The following UGT2B7 variants were observed in gnomAD, a reference collection of about 807,000 sequenced individuals.
UGT2B7 encodes the protein UDP-glucuronosyltransferase 2B7.
In UGT2B7, 51 loss-of-function variants were observed where a neutral mutation model predicts 51.9. The observed-to-expected ratio is 0.98, with a 90% confidence interval of 0.78 to 1.24. The LOEUF (loss-of-function observed/expected upper bound fraction) is 1.24, where lower values mean the gene tolerates loss of function less well. Ranked by LOEUF, UGT2B7 falls within the 50% of genes most tolerant of loss-of-function variation. The pLI, the probability that UGT2B7 is intolerant of heterozygous loss-of-function variation, is 0.00. For synonymous variants in UGT2B7, 225 were observed against 211.6 expected, an observed-to-expected ratio of 1.06 and a Z score of -0.55; for missense variants, 727 against 628.4, an observed-to-expected ratio of 1.16 and a Z score of -1.68.
intron 1 of UGT2B7, among the ~76,000 whole-genome samples, chr4:69,069,152 G>A (rs1270553027): frequency 6.7e-6 from 1 of 149,880 alleles, no homozygotes; most frequent in Non-Finnish European, 1.5e-5. Flanking sequence ...TTCAAACTAA[G>A]GCCATCCACT....
At chr4:69,065,661 C>A (rs761884025) in intron 1 of UGT2B7, among the ~76,000 whole-genome samples, 7 of 152,118 alleles carry the variant, frequency 4.6e-5, no homozygotes, top group Non-Finnish European at 5.9e-5. Context: ...GTGTATTTCT[C>A]ATACATAGAT....
intron 1 of UGT2B7, among the ~76,000 whole-genome samples, chr4:69,054,048 A>G (rs1718115683): frequency 6.6e-6 from 1 of 152,198 alleles, no homozygotes; most frequent in African/African-American, 2.4e-5. Flanking sequence ...AAATAGCTAC[A>G]GGATTTAAGT....
At chr4:69,072,682 G>A (rs185701792) in intron 1 of UGT2B7, among the ~76,000 whole-genome samples, 1 of 151,962 alleles carries the variant, frequency 6.6e-6, no homozygotes, top group African/African-American at 2.4e-5. Context: ...CAGGGTCTTG[G>A]GGGGGTTGTG....
At chr4:69,074,767 C>A (rs1401024139) in intron 1 of UGT2B7, among the ~76,000 whole-genome samples, 5 of 152,002 alleles carry the variant, frequency 3.3e-5, no homozygotes, top group Non-Finnish European at 5.9e-5. Context: ...GGTTTCCTCC[C>A]AAAAGTCACT....
chr4:69,112,836 CAAAAAA>C lies in UGT2B7; in HGVS notation c.*108_*113del, dbSNP rs57075995. On this transcript the variant is annotated 3_prime_UTR_variant, in exon 6 of 6. Transcript: ENST00000305231. ...ATGCAAGATTTCTTTCTTCCTGAGACAAAAAAAAAAAAAGAAAAAAAAATCTTTTCA... is the reference window on the plus strand; with the variant it reads ...ATGCAAGATTTCTTTCTTCCTGAGACAAAAAAAGAAAAAAAAATCTTTTCA... 15 of 1,057,734 alleles carry C rather than the reference CAAAAAA, an allele frequency of 1.4e-5. No individual in the cohort carries two copies. In the Middle Eastern group the frequency reaches 8.1e-4, roughly 57 times the overall value. 65.5% of individuals were successfully genotyped at this position (1,057,734 alleles called of 1,614,324 possible). A position where few individuals can be genotyped will look rare whatever the true frequency, so the allele number is the denominator to read the frequency against.
chr4:69,071,250 GT>G (rs1718593538), intron 1 of UGT2B7, among the ~76,000 whole-genome samples: 1 of 152,024 alleles, frequency 6.6e-6, no homozygotes, highest in South Asian at 2.1e-4. Flanking sequence ...CCCTCACCTT[GT>G]CAAGTATGAT....
In UGT2B7 at chr4:69,084,582, G is replaced by A. The variant is rs962555389; in HGVS notation, c.-158-4890G>A. Among the ~76,000 whole-genome samples, 8 of 151,882 alleles carry A rather than the reference G, an allele frequency of 5.3e-5. No individual in the cohort carries two copies. In the East Asian group the frequency reaches 1.6e-3, roughly 30 times the overall value. On this transcript the variant is annotated intron_variant, in intron 1 of 5. Coordinates refer to the UGT2B7 transcript ENST00000502942. ...GTCTCCTAGGTTTTAAGCCACACAC[G>A]AATTAGGTATTTGTCCTAATGCTCT... is the stretch of plus-strand genomic sequence containing the variant.
intron 1 of UGT2B7, among the ~76,000 whole-genome samples, chr4:69,063,948 A>G (rs969575463): frequency 3.3e-5 from 5 of 151,786 alleles, no homozygotes; most frequent in Non-Finnish European, 7.4e-5. Flanking sequence ...ACTTGTAATG[A>G]GGAATTAAAT....
intron 2 of UGT2B7, among the ~76,000 whole-genome samples, chr4:69,099,101 T>A (rs1404359180): frequency 6.6e-6 from 1 of 151,884 alleles, no homozygotes; most frequent in African/African-American, 2.4e-5. Context: ...TATGTGCAAG[T>A]AATAAAAATT....
chr4:69,112,235 C>T (rs886396210), intron 5 of UGT2B7, among the ~76,000 whole-genome samples: 3 of 152,154 alleles, frequency 2.0e-5, no homozygotes, highest in Admixed American at 6.5e-5. Context: ...GTTATGTACC[C>T]ACTGCTTGCT....
chr4:69,079,191 C>CA (rs1163154843), intron 1 of UGT2B7, among the ~76,000 whole-genome samples: 1 of 152,096 alleles, frequency 6.6e-6, no homozygotes, highest in East Asian at 1.9e-4. Flanking sequence ...GCCATGCCAT[C>CA]AGGGTGTTTC....
chr4:69,066,134 A>C (rs1048569387), intron 1 of UGT2B7, among the ~76,000 whole-genome samples: 35 of 152,324 alleles, frequency 2.3e-4, no homozygotes, highest in African/African-American at 7.9e-4. Flanking sequence ...CAGATATGCT[A>C]TCATTTCAAT....
At chr4:69,071,794 A>G (rs1718607794) in intron 1 of UGT2B7, among the ~76,000 whole-genome samples, 1 of 152,148 alleles carries the variant, frequency 6.6e-6, no homozygotes, top group South Asian at 2.1e-4. Flanking sequence ...GTACAAGAAA[A>G]AAAGTGTAAC....
In UGT2B7 at chr4:69,108,290, G is replaced by A; in HGVS notation, c.1278G>A (p.Leu426=). ...ACACAATGTCGAGTACAGACTTGCT[G>A]AATGCATTGAAGAGAGTAATTAATG... is the stretch of plus-strand genomic sequence containing the variant. ...DFNTMSSTDL[L]NALKRVINDP... The change falls in exon 5 of 6, where the codon CTG becomes CTA. Residue 426 remains leucine, a synonymous_variant. Transcript: ENST00000305231. 6.2e-7 allele frequency: 1 copy of A among 1,613,524 alleles called. No homozygotes were observed. Among genetic ancestry groups the A allele is most frequent in the East Asian group, 2.2e-5 (1 of 44,864 alleles).
chr4:69,106,586 G>T (rs753983797), intron 3 of UGT2B7, among the ~76,000 whole-genome samples: 1 of 152,054 alleles, frequency 6.6e-6, no homozygotes, highest in African/African-American at 2.4e-5. Flanking sequence ...CTTTATAAAA[G>T]AACCATTTAT....
At chr4:69,107,632 G>A (rs1030794977) in intron 4 of UGT2B7, among the ~76,000 whole-genome samples, 2 of 152,054 alleles carry the variant, frequency 1.3e-5, no homozygotes, top group Non-Finnish European at 2.9e-5. Flanking sequence ...TCTATCACCA[G>A]TGACTCTGTA....
At chr4:69,112,342 G>GGACT in intron 5 of UGT2B7, 115 bp from the exon 6 acceptor site, 1 of 1,380,950 alleles carries the variant, frequency 7.2e-7, no homozygotes, top group African/African-American at 1.5e-5. Flanking sequence ...TCTTGAGAGA[G>GGACT]GAGTCTTGCC....
chr4:69,084,323 A>G (rs560427157), intron 1 of UGT2B7, among the ~76,000 whole-genome samples: 209 of 11,234 alleles, frequency 0.019, 1 homozygote, highest in African/African-American at 0.051. Context: ...TTATTGGTCT[A>G]TAAATTTTCT....
upstream of UGT2B7, among the ~76,000 whole-genome samples, chr4:69,095,934 A>G (rs1359011126): frequency 6.6e-6 from 1 of 152,192 alleles, no homozygotes; most frequent in Non-Finnish European, 1.5e-5. Context: ...ATTACCTAGG[A>G]CAGGGGAAAT....
Sources: gnomAD v4.1 joint callset for allele counts (sites outside exome capture counted in the v4.1 genomes callset) on GRCh38, gnomAD v4.1.1 for gene constraint, MANE v1.5 for transcripts, NCBI Gene and HGNC (gene_info 2026-07-23, HGNC 2026-07-21) for gene names.